Variants in WNT7A observed in about 807,000 individuals in gnomAD.
WNT7A encodes the protein protein Wnt-7a.
A neutral mutation model predicts 28.2 loss-of-function variants in WNT7A; 16 were observed. That is an observed-to-expected ratio of 0.57 (90% CI 0.38 to 0.86). The LOEUF (loss-of-function observed/expected upper bound fraction) is 0.86. Ranked by LOEUF, WNT7A falls within the 40% of genes least tolerant of loss-of-function variation. The pLI is 0.00. For synonymous variants in WNT7A, 190 were observed against 195.9 expected (o/e 0.97, Z 0.25); for missense variants, 411 against 489.7 (o/e 0.84, Z 1.52).
intron 3 of WNT7A, among the ~76,000 whole-genome samples, chr3:13,852,253 C>T (rs1445881649): frequency 1.3e-5 from 2 of 152,242 alleles, no homozygotes; most frequent in African/African-American, 4.8e-5. Flanking sequence ...TGCCAACAAG[C>T]CCCAGAGCCT....
intron 2 of WNT7A, among the ~76,000 whole-genome samples, chr3:13,873,885 T>C (rs547808204): frequency 1.3e-5 from 2 of 152,266 alleles, no homozygotes; most frequent in South Asian, 4.1e-4. Flanking sequence ...AGGGGGAAGA[T>C]GGCAGCAGAG....
intron 2 of WNT7A, among the ~76,000 whole-genome samples, chr3:13,864,949 C>T (rs886265986): frequency 1.3e-5 from 2 of 152,184 alleles, no homozygotes; most frequent in African/African-American, 4.8e-5. Context: ...ATGGCAATGT[C>T]CGAAGCGAGG....
chr3:13,862,827 C>T (rs1694852927), intron 2 of WNT7A, among the ~76,000 whole-genome samples: 1 of 152,244 alleles, frequency 6.6e-6, no homozygotes, highest in Non-Finnish European at 1.5e-5. Flanking sequence ...TGGTCAGCAT[C>T]TACTCCTTCC....
chr3:13,872,911 T>C (rs963642207), intron 2 of WNT7A, among the ~76,000 whole-genome samples: 3 of 152,138 alleles, frequency 2.0e-5, no homozygotes, highest in African/African-American at 7.2e-5. Flanking sequence ...TTCGAGCAAG[T>C]CCCTTATGAG....
chr3:13,861,381 G>A (rs554262097), intron 2 of WNT7A, among the ~76,000 whole-genome samples: 1 of 152,370 alleles, frequency 6.6e-6, no homozygotes, highest in South Asian at 2.1e-4. Flanking sequence ...TCACTCATCA[G>A]ATATTTCTTG....
intron 2 of WNT7A, among the ~76,000 whole-genome samples, chr3:13,869,435 A>G (rs1694993394): frequency 1.1e-5 from 1 of 88,064 alleles, no homozygotes; most frequent in African/African-American, 4.5e-5. Context: ...AGAAAAGAAG[A>G]AAGAAAAGAA....
intron 3 of WNT7A, among the ~76,000 whole-genome samples, chr3:13,847,297 T>C (rs2124851000): frequency 6.6e-6 from 1 of 152,294 alleles, no homozygotes; most frequent in Admixed American, 6.5e-5. Flanking sequence ...ACCATGGACC[T>C]CCTGGTCCCT....
In WNT7A at chr3:13,819,172, C is replaced by T; in HGVS notation, c.822G>A (p.Ser274=). 2 of 1,614,184 alleles carry T rather than the reference C, an allele frequency of 1.2e-6. No individual in the cohort carries two copies. Among genetic ancestry groups the T allele is most frequent in the Non-Finnish European group, 8.5e-7 (1 of 1,180,028 alleles). ...MDTDLVYIEK[S]PNYCEEDPVT... ...CCGGGTCCTCCTCGCAGTAGTTGGG[C>T]GACTTCTCGATGTACACCAGGTCCG... Residue 274 remains serine, a synonymous_variant, in exon 4 of 4, where the codon TCG becomes TCA. Coordinates refer to ENST00000285018, the MANE Select transcript of WNT7A (RefSeq NM_004625.4).
chr3:13,838,638 G>A (rs1694407587), intron 3 of WNT7A, among the ~76,000 whole-genome samples: 1 of 152,244 alleles, frequency 6.6e-6, no homozygotes, highest in Non-Finnish European at 1.5e-5. Flanking sequence ...GCTTCAAGGG[G>A]ACCTGGTTGG....
chr3:13,822,802 G>T (rs1367922397), intron 3 of WNT7A, among the ~76,000 whole-genome samples: 1 of 152,236 alleles, frequency 6.6e-6, no homozygotes, highest in African/African-American at 2.4e-5. Flanking sequence ...ACCAAGGCTT[G>T]CATGTATTTC....
At chr3:13,878,060 C>T (rs1695136286) in intron 1 of WNT7A, among the ~76,000 whole-genome samples, 1 of 152,206 alleles carries the variant, frequency 6.6e-6, no homozygotes, top group African/African-American at 2.4e-5. Flanking sequence ...CCTCTCCGAC[C>T]TGGACCTCTC....
In WNT7A at chr3:13,818,835, T is replaced by C; in HGVS notation, c.*109A>G. 6.9e-7 allele frequency: 1 copy of C among 1,445,482 alleles called. No homozygotes were observed. Among genetic ancestry groups the C allele is most frequent in the Non-Finnish European group, 9.1e-7 (1 of 1,097,804 alleles). The allele number at this position is 1,445,482 out of a possible 1,614,324, so 89.5% of individuals were successfully genotyped here. On this transcript the variant is annotated 3_prime_UTR_variant, in exon 4 of 4. Transcript: ENST00000285018. Reference sequence around the variant, plus strand: ...AGGAAACCCAGGAAAAGTACCCTCCTCAGCAGAAAAGACAAGCTCAGCATC... The same window carrying C: ...AGGAAACCCAGGAAAAGTACCCTCCCCAGCAGAAAAGACAAGCTCAGCATC...
chr3:13,836,722 G>A (rs920518348), intron 3 of WNT7A, among the ~76,000 whole-genome samples: 3 of 152,242 alleles, frequency 2.0e-5, no homozygotes, highest in Admixed American at 6.5e-5. Flanking sequence ...ATAAAGGCCT[G>A]TATGTACTGC....
At chr3:13,875,554 C>A (rs976760739) in intron 1 of WNT7A, among the ~76,000 whole-genome samples, 1 of 152,132 alleles carries the variant, frequency 6.6e-6, no homozygotes, top group Non-Finnish European at 1.5e-5. Context: ...AGGGAATCAT[C>A]TCTTTGGTAA....
intron 1 of WNT7A, 28 bp downstream of exon 1, chr3:13,879,718 G>T (rs750460198): frequency 1.2e-6 from 2 of 1,608,970 alleles, no homozygotes; most frequent in African/African-American, 1.3e-5. Context: ...GTCGAAACAC[G>T]CGCGGAAAGG....
At chr3:13,829,743 T>G (rs1244230297) in intron 3 of WNT7A, among the ~76,000 whole-genome samples, 1 of 152,092 alleles carries the variant, frequency 6.6e-6, no homozygotes, top group African/African-American at 2.4e-5. Context: ...GAGAAGCAGG[T>G]TGGCTGAAGT....
Position 13,854,519 on chromosome 3 carries a change from C to A in WNT7A, c.570+13G>T. 6.2e-7 allele frequency: 1 copy of A among 1,614,078 alleles called. No individual in the cohort carries two copies. The highest frequency in any genetic ancestry group is 8.5e-7 in the Non-Finnish European group (1 of 1,180,048). On this transcript the variant is annotated intron_variant, in intron 3 of 3. Transcript: ENST00000285018. ...CCGCGAGCGCCGCCCAGCTGCCCTC[C>A]CTGGCTTCCTACCTTTCGGCCTGCC...
intron 3 of WNT7A, among the ~76,000 whole-genome samples, chr3:13,845,674 G>T (rs572469448): frequency 4.6e-5 from 7 of 152,310 alleles, no homozygotes; most frequent in African/African-American, 1.7e-4. Context: ...CCTGCCTCTT[G>T]CCTGCCCCCT....
intron 3 of WNT7A, among the ~76,000 whole-genome samples, chr3:13,830,856 G>C (rs758969308): frequency 6.6e-6 from 1 of 152,102 alleles, no homozygotes; most frequent in Non-Finnish European, 1.5e-5. Flanking sequence ...ACTTGCCTCT[G>C]TCACCCCTGA....
Sources: allele counts gnomAD v4.1 joint callset (sites outside exome capture counted in the v4.1 genomes callset), GRCh38; gene constraint gnomAD v4.1.1; transcripts MANE v1.5; gene names NCBI Gene and HGNC (gene_info 2026-07-23, HGNC 2026-07-21).